MYO5A: variants seen among roughly 807,000 people sequenced by gnomAD.
The protein encoded by MYO5A is myosin VA.
MYO5A carries 98 observed loss-of-function variants against 249.7 expected under a neutral mutation model. That is an observed-to-expected ratio of 0.39 (90% CI 0.33 to 0.46). The LOEUF is 0.46. MYO5A is among the 20% of genes least tolerant of loss of function. MYO5A has a pLI of 0.98. For missense variants in MYO5A, 1,696 were observed against 2,308.8 expected, an observed-to-expected ratio of 0.73 and a Z score of 5.44; for synonymous variants, 778 against 810.6, an observed-to-expected ratio of 0.96 and a Z score of 0.68.
At chr15:52,367,176 G>A (rs1352488543) in intron 22 of MYO5A, 52 bp from the exon 23 acceptor site, 1 of 1,452,850 alleles carries the variant, frequency 6.9e-7, no homozygotes, top group East Asian at 2.3e-5. Context: ...GAGGAAGCCT[G>A]ATGACCAAGG....
intron 1 of MYO5A, among the ~76,000 whole-genome samples, chr15:52,453,331 C>T (rs55856498): frequency 1.3e-5 from 2 of 151,926 alleles, no homozygotes; most frequent in South Asian, 4.2e-4. Context: ...CCATATCCAA[C>T]AAAGCTATCC....
rs557151904 is a variant in MYO5A, at chr15:52,390,460, T to G, written c.1543-1097A>C. Among the ~76,000 whole-genome samples the G allele has an allele frequency of 5.3e-5, 8 of 152,078 alleles. No individual in the cohort carries two copies. The East Asian group carries it at 1.5e-3, about 29-fold the overall frequency. On this transcript the variant is annotated intron_variant, in intron 12 of 41. Coordinates refer to ENST00000399233, the MANE Select transcript of MYO5A (RefSeq NM_001382347.1). ...AATAAAGGTAACATCTGTAGTTACA[T>G]AGTGAAGCATTTCTATAATTCAGAA...
chr15:52,351,213 C>T lies in MYO5A; in HGVS notation c.3849+41G>A, dbSNP rs574948736. On this transcript the variant is annotated intron_variant, in intron 28 of 41. Transcript: ENST00000399233. ...GGAAGGGATAAGAAGATATTGAGGC[C>T]AGTCCCCGAACACCCAGTTTAATTG... 3.0e-4 allele frequency: 446 copies of T among 1,510,222 alleles called. 6 individuals carry two copies. In the South Asian group the frequency reaches 4.8e-3, roughly 16 times the overall value. The allele number at this position is 1,510,222 out of a possible 1,614,324, so 93.6% of individuals were successfully genotyped here.
chr15:52,397,064 G>T, intron 10 of MYO5A, 137 bp downstream of exon 10: 3 of 1,009,988 alleles, frequency 3.0e-6, no homozygotes, highest in South Asian at 1.4e-5. Flanking sequence ...CCATCATCAA[G>T]GTATTCTTGA....
At chr15:52,439,693 T>C (rs753677789) in intron 1 of MYO5A, among the ~76,000 whole-genome samples, 3 of 152,038 alleles carry the variant, frequency 2.0e-5, no homozygotes, top group Non-Finnish European at 4.4e-5. Flanking sequence ...AGATGGGGCA[T>C]GAATCAGAGG....
intron 24 of MYO5A, 95 bp from the exon 25 acceptor site, chr15:52,360,176 T>C (rs2040446138): frequency 1.2e-6 from 1 of 823,634 alleles, no homozygotes; most frequent in East Asian, 2.7e-5. Context: ...TTATCCCTAC[T>C]TCCTGACTTG....
At chr15:52,392,886 G>C (rs1238866850) in intron 11 of MYO5A, among the ~76,000 whole-genome samples, 1 of 152,234 alleles carries the variant, frequency 6.6e-6, no homozygotes, top group Non-Finnish European at 1.5e-5. Context: ...TATTACAAAG[G>C]AAAATAACGT....
At chr15:52,340,856 G>T (rs890890242) in intron 31 of MYO5A, among the ~76,000 whole-genome samples, 1 of 151,924 alleles carries the variant, frequency 6.6e-6, no homozygotes, top group African/African-American at 2.4e-5. Flanking sequence ...GCTGAGGCAG[G>T]AGAACTGGTT....
chr15:52,484,607 G>C (rs1164239911), intron 1 of MYO5A, among the ~76,000 whole-genome samples: 2 of 152,074 alleles, frequency 1.3e-5, no homozygotes, highest in African/African-American at 4.8e-5. Context: ...AAAATTGCAG[G>C]TATTTCCTTA....
At chr15:52,403,999 C>T (rs1389317163) in intron 9 of MYO5A, among the ~76,000 whole-genome samples, 12 of 152,178 alleles carry the variant, frequency 7.9e-5, no homozygotes, top group Admixed American at 7.9e-4. Context: ...TGGCTCACAC[C>T]TCACACCTAT....
chr15:52,528,860 G>T lies in MYO5A; in HGVS notation c.-54C>A. On this transcript the variant is annotated 5_prime_UTR_variant, in exon 1 of 42. Coordinates refer to ENST00000399233, the MANE Select transcript of MYO5A (RefSeq NM_001382347.1). ...CCTGTGCGGAGGCCGCACCTCGCCT[G>T]GGCGGCCGCCCGAGCGGACTAGGAA... 7.0e-7 allele frequency: 1 copy of T among 1,427,734 alleles called. No individual in the cohort carries two copies. Among genetic ancestry groups the T allele is most frequent in the South Asian group, 1.4e-5 (1 of 70,790 alleles). The allele number at this position is 1,427,734 out of a possible 1,614,324, so 88.4% of individuals were successfully genotyped here. A position where few individuals can be genotyped will look rare whatever the true frequency, so the allele number is the denominator to read the frequency against.
intron 1 of MYO5A, among the ~76,000 whole-genome samples, chr15:52,464,496 A>G (rs1446861803): frequency 1.3e-5 from 2 of 152,080 alleles, no homozygotes; most frequent in Non-Finnish European, 2.9e-5. Flanking sequence ...CACCCTGACT[A>G]CTCTATAGAT....
chr15:52,386,328 C>CAAG (rs1327648006), intron 14 of MYO5A, among the ~76,000 whole-genome samples: 5 of 151,390 alleles, frequency 3.3e-5, no homozygotes, highest in Admixed American at 2.6e-4. Flanking sequence ...ACAACAACAA[C>CAAG]AACAACAACA....
Position 52,312,924 on chromosome 15 carries a change from C to G in MYO5A, c.*772G>C, listed in dbSNP as rs879641840. On this transcript the variant is annotated 3_prime_UTR_variant, in exon 42 of 42. Coordinates refer to ENST00000399233, the MANE Select transcript of MYO5A (RefSeq NM_001382347.1). ...CTACATGACTTTCCAGTGTCTGCTA[C>G]TTGTGCAGGTGAATCTGTAGGTATT... 2.6e-5 allele frequency: 4 copies of G among 152,522 alleles called. No homozygotes were observed. The highest frequency in any genetic ancestry group is 5.9e-5 in the Non-Finnish European group (4 of 68,026). The allele number at this position is 152,522 out of a possible 1,614,324, so 9.4% of individuals were successfully genotyped here. A position where few individuals can be genotyped will look rare whatever the true frequency, so the allele number is the denominator to read the frequency against.
At chr15:52,386,456 A>G (rs974619740) in intron 14 of MYO5A, among the ~76,000 whole-genome samples, 1 of 152,190 alleles carries the variant, frequency 6.6e-6, no homozygotes, top group African/African-American at 2.4e-5. Flanking sequence ...CTTTAACTGA[A>G]TAATACTTAG....
intron 12 of MYO5A, among the ~76,000 whole-genome samples, chr15:52,391,084 C>T (rs2042214229): frequency 6.6e-6 from 1 of 152,118 alleles, no homozygotes; most frequent in Non-Finnish European, 1.5e-5. Flanking sequence ...CCAGCAGTTC[C>T]ATTCCTGGGT....
intron 30 of MYO5A, among the ~76,000 whole-genome samples, chr15:52,345,436 T>A (rs2039572952): frequency 6.6e-6 from 1 of 151,592 alleles, no homozygotes; most frequent in Non-Finnish European, 1.5e-5. Context: ...AATACAAAAA[T>A]TAGTCGGGTG....
At chr15:52,471,406 C>T (rs1336507492) in intron 1 of MYO5A, among the ~76,000 whole-genome samples, 1 of 152,032 alleles carries the variant, frequency 6.6e-6, no homozygotes, top group Admixed American at 6.6e-5. Flanking sequence ...GAGTTTGAGA[C>T]CAGCCTCGGC....
At chr15:52,466,541 G>A (rs936320537) in intron 1 of MYO5A, among the ~76,000 whole-genome samples, 1 of 152,196 alleles carries the variant, frequency 6.6e-6, no homozygotes, top group African/African-American at 2.4e-5. Context: ...CCAAGACTGG[G>A]GTGTAAGAGG....
Sources: gnomAD v4.1 joint callset for allele counts (sites outside exome capture counted in the v4.1 genomes callset) on GRCh38, gnomAD v4.1.1 for gene constraint, MANE v1.5 for transcripts, NCBI Gene and HGNC (gene_info 2026-07-23, HGNC 2026-07-21) for gene names.